GALNTL6: variants seen among roughly 807,000 people sequenced by gnomAD.
GALNTL6 encodes the protein polypeptide N-acetylgalactosaminyltransferase like 6, also known as polypeptide N-acetylgalactosaminyltransferase-like 6.
Under a neutral mutation model 73.7 loss-of-function variants are expected in GALNTL6, and 46 were observed. The observed-to-expected ratio is 0.62, with a 90% CI of 0.49 to 0.80. GALNTL6 has a LOEUF of 0.80. GALNTL6 is among the 30% of genes least tolerant of loss of function. The pLI is 0.00. For synonymous variants in GALNTL6, 259 were observed against 263.7 expected (o/e 0.98, Z 0.17); for missense variants, 604 against 755.0 (o/e 0.80, Z 2.34).
At chr4:172,298,642 T>G (rs1739780243) in intron 3 of GALNTL6, among the ~76,000 whole-genome samples, 1 of 152,246 alleles carries the variant, frequency 6.6e-6, no homozygotes, top group African/African-American at 2.4e-5. Flanking sequence ...TTTTTGTCAT[T>G]GGTTCTGTTT....
Position 172,528,317 on chromosome 4 carries a change from AAAATATATATATATAT to A in GALNTL6, c.553+179630_553+179645del, listed in dbSNP as rs1167862800. ...AAAATACATTTGGCTTGCTAGAAAT[AAAATATATATATATAT>A]ATATATATATATATATATATATATA... is the stretch of plus-strand genomic sequence containing the variant. On this transcript the variant is annotated intron_variant, in intron 5 of 12. Transcript: ENST00000506823. Among the ~76,000 whole-genome samples the A allele has an allele frequency of 2.4e-3, 289 of 118,540 alleles. 3 individuals carry two copies. Among genetic ancestry groups the A allele is most frequent in the African/African-American group, 8.7e-3 (256 of 29,526 alleles). The allele number at this position is 118,540 out of a possible 152,430, so 77.8% of individuals were successfully genotyped here.
chr4:172,842,566 C>T (rs1480245942), intron 7 of GALNTL6, among the ~76,000 whole-genome samples: 2 of 152,000 alleles, frequency 1.3e-5, no homozygotes, highest in African/African-American at 2.4e-5. Flanking sequence ...AATCCCAGTT[C>T]ACAAGGTGTA....
At chr4:172,021,894 A>T (rs10434402) in intron 2 of GALNTL6, among the ~76,000 whole-genome samples, 18,505 of 152,060 alleles carry the variant, frequency 0.12, 2,844 homozygotes, top group African/African-American at 0.36. Context: ...ATGCCAAAGA[A>T]TGAAACTAGA....
chr4:171,865,478 T>A (rs1267316961), intron 2 of GALNTL6, among the ~76,000 whole-genome samples: 1 of 152,264 alleles, frequency 6.6e-6, no homozygotes, highest in African/African-American at 2.4e-5. Context: ...TATCCATCAG[T>A]AATTAGTTCC....
At chr4:172,897,817 A>G (rs1051116185) in intron 8 of GALNTL6, among the ~76,000 whole-genome samples, 3 of 152,100 alleles carry the variant, frequency 2.0e-5, no homozygotes, top group Admixed American at 2.0e-4. Context: ...GTTGCCTTCT[A>G]TTTTGCCATT....
chr4:171,950,534 G>A (rs1738844320), intron 2 of GALNTL6, among the ~76,000 whole-genome samples: 2 of 148,606 alleles, frequency 1.3e-5, no homozygotes, highest in East Asian at 2.0e-4. Context: ...AGACTGGAGT[G>A]CAGTGGCTCG....
intron 2 of GALNTL6, among the ~76,000 whole-genome samples, chr4:172,177,725 G>GTATATA (rs571502567): frequency 1.1e-5 from 1 of 94,884 alleles, no homozygotes; most frequent in African/African-American, 4.1e-5. Flanking sequence ...TAGTATGTGT[G>GTATATA]TATATATATA....
At chr4:172,902,295 C>T (rs1262047490) in intron 8 of GALNTL6, among the ~76,000 whole-genome samples, 1 of 152,102 alleles carries the variant, frequency 6.6e-6, no homozygotes, top group Non-Finnish European at 1.5e-5. Flanking sequence ...TTAACATTTT[C>T]AAAAGATCAG....
At chr4:171,967,044 G>A (rs1463990633) in intron 2 of GALNTL6, among the ~76,000 whole-genome samples, 3 of 152,168 alleles carry the variant, frequency 2.0e-5, no homozygotes, top group African/African-American at 7.2e-5. Context: ...AAAGAAAGCT[G>A]AGAATATGAG....
intron 3 of GALNTL6, among the ~76,000 whole-genome samples, chr4:172,270,925 G>T (rs1738624855): frequency 6.6e-6 from 1 of 152,008 alleles, no homozygotes; most frequent in African/African-American, 2.4e-5. Flanking sequence ...TCAAAGAATT[G>T]TTTGCCATTT....
intron 4 of GALNTL6, among the ~76,000 whole-genome samples, chr4:172,345,595 T>C (rs1179127414): frequency 6.6e-6 from 1 of 152,200 alleles, no homozygotes; most frequent in African/African-American, 2.4e-5. Context: ...ACCAGCACAT[T>C]GATCAAAGTG....
At chr4:172,743,989 A>G (rs1736952755) in intron 5 of GALNTL6, among the ~76,000 whole-genome samples, 1 of 152,104 alleles carries the variant, frequency 6.6e-6, no homozygotes, top group African/African-American at 2.4e-5. Flanking sequence ...GAGGGATATC[A>G]TATTGCTTTT....
chr4:172,365,850 A>G (rs1742540237), intron 5 of GALNTL6, among the ~76,000 whole-genome samples: 2 of 152,276 alleles, frequency 1.3e-5, no homozygotes, highest in Non-Finnish European at 2.9e-5. Flanking sequence ...AGCTAGGCTG[A>G]CCCACCTTTA....
rs141667379 is a variant in GALNTL6 at position 171,968,020 on chromosome 4, G to T, written c.138+153302G>T. 3.4e-3 allele frequency among the ~76,000 whole-genome samples: 520 copies of T among 152,194 alleles called. 7 individuals carry two copies. The highest frequency in any genetic ancestry group is 0.012 in the African/African-American group (489 of 41,544). ...AATTCCTTCCAGGAGAAAGAGCCCG[G>T]TGCGATCTTCTTACTCAGCTTCTGA... On this transcript the variant is annotated intron_variant, in intron 2 of 12. Coordinates refer to ENST00000506823, the MANE Select transcript of GALNTL6 (RefSeq NM_001034845.3).
rs139965639 is a variant in GALNTL6, at chr4:172,637,981, A to C, written c.554-171380A>C. ...TGTGTCCTTCAGGAACCATCATCAG[A>C]AGAATGCCTTATATCCTAAAATTAG... On this transcript the variant is annotated intron_variant, in intron 5 of 12. Transcript: ENST00000506823. Among the ~76,000 whole-genome samples the C allele has an allele frequency of 7.5e-3, 1,140 of 152,264 alleles. 8 individuals are homozygous for C. The highest frequency in any genetic ancestry group is 0.023 in the African/African-American group (964 of 41,556).
chr4:172,382,025 A>G (rs1743301188), intron 5 of GALNTL6, among the ~76,000 whole-genome samples: 1 of 152,190 alleles, frequency 6.6e-6, no homozygotes, highest in Non-Finnish European at 1.5e-5. Context: ...GCTGGAGTGC[A>G]ATGGCACGAT....
At chr4:172,383,904 T>C (rs1743374813) in intron 5 of GALNTL6, among the ~76,000 whole-genome samples, 1 of 152,160 alleles carries the variant, frequency 6.6e-6, no homozygotes, top group South Asian at 2.1e-4. Flanking sequence ...ATATGATGTG[T>C]TATCCTGATT....
intron 7 of GALNTL6, among the ~76,000 whole-genome samples, chr4:172,842,199 G>T (rs1017352211): frequency 6.6e-6 from 1 of 152,156 alleles, no homozygotes; most frequent in South Asian, 2.1e-4. Flanking sequence ...CTTAATCTAT[G>T]AACTATATAC....
At chr4:172,692,035 T>A (rs868702844) in intron 5 of GALNTL6, among the ~76,000 whole-genome samples, 18 of 56,808 alleles carry the variant, frequency 3.2e-4, no homozygotes, top group South Asian at 1.1e-3. Flanking sequence ...AAAAGCGGGA[T>A]TTTTTTTAGA....
Sources: gnomAD v4.1 joint callset for allele counts (sites outside exome capture counted in the v4.1 genomes callset) on GRCh38, gnomAD v4.1.1 for gene constraint, MANE v1.5 for transcripts, NCBI Gene and HGNC (gene_info 2026-07-23, HGNC 2026-07-21) for gene names.